DCUN1D2: variants seen among roughly 807,000 people sequenced by gnomAD.
The protein encoded by DCUN1D2 is DCN1-like protein 2.
In DCUN1D2, 29 loss-of-function variants were observed where a neutral mutation model predicts 30.9. The observed-to-expected ratio is 0.94, with a 90% CI of 0.70 to 1.28. The LOEUF is 1.28. DCUN1D2 is among the 50% of genes most tolerant of loss of function. The probability of loss-of-function intolerance (pLI) is 0.00; values close to 1 mark genes in which losing one functional copy is unlikely to be tolerated. For synonymous variants in DCUN1D2, 121 were observed against 115.3 expected, an observed-to-expected ratio of 1.05 and a Z score of -0.32; for missense variants, 325 against 316.9, an observed-to-expected ratio of 1.03 and a Z score of -0.19.
At chr13:113,475,497 T>G (rs912359478) in intron 3 of DCUN1D2, 1 of 152,230 alleles carries the variant, frequency 6.6e-6, no homozygotes, top group Non-Finnish European at 1.5e-5. Context: ...CACAGTGAAA[T>G]TTCCTAACGA....
chr13:113,457,945 A>T lies in DCUN1D2; in HGVS notation c.*84T>A. 1 of 1,259,932 alleles carries T rather than the reference A, an allele frequency of 7.9e-7. No homozygotes were observed. The highest frequency in any genetic ancestry group is 2.3e-5 in the East Asian group (1 of 43,022). The allele number at this position is 1,259,932 out of a possible 1,614,324, so 78.0% of individuals were successfully genotyped here. A position where few individuals can be genotyped will look rare whatever the true frequency, so the allele number is the denominator to read the frequency against. ...CTGGTCAAGAATGACTTCTGGAATC[A>T]GCGACAATGCACCCAGGAACTGACT... On this transcript the variant is annotated 3_prime_UTR_variant, in exon 7 of 7. Coordinates refer to ENST00000478244, the MANE Select transcript of DCUN1D2 (RefSeq NM_001014283.2).
intron 1 of DCUN1D2, among the ~76,000 whole-genome samples, chr13:113,486,142 A>C (rs2044798607): frequency 6.6e-6 from 1 of 152,182 alleles, no homozygotes; most frequent in Admixed American, 6.5e-5. Context: ...AATGTGCTAC[A>C]TATATACCAT....
In DCUN1D2 at chr13:113,458,007, T is replaced by G; in HGVS notation, c.*22A>C. 2.5e-6 allele frequency: 4 copies of G among 1,603,958 alleles called. No individual in the cohort carries two copies. The highest frequency in any genetic ancestry group is 3.4e-6 in the Non-Finnish European group (4 of 1,170,736). ...GCAGGATACAAATCATTTCATAATC[T>G]TACTCCTGCTTAACTTGCTGCCTAG... On this transcript the variant is annotated 3_prime_UTR_variant, in exon 7 of 7. Coordinates refer to ENST00000478244, the MANE Select transcript of DCUN1D2 (RefSeq NM_001014283.2).
At position 113,490,674 on chromosome 13, in the gene DCUN1D2, C is replaced by T. The variant is rs777255329; in HGVS notation, c.-5G>A. The T allele has an allele frequency of 4.8e-6, 6 of 1,244,786 alleles. No homozygotes were observed. The highest frequency in any genetic ancestry group is 6.0e-6 in the Non-Finnish European group (6 of 992,946). 77.1% of individuals were successfully genotyped at this position (1,244,786 alleles called of 1,614,324 possible). On this transcript the variant is annotated 5_prime_UTR_variant, in exon 1 of 7. Coordinates refer to ENST00000478244, the MANE Select transcript of DCUN1D2 (RefSeq NM_001014283.2). The surrounding 1 kb of genome is among the most constrained non-coding windows in gnomAD (Gnocchi z 5.2). ...CGACGCCGGGCCACCTACCATCTCC[C>T]CCGCGCCGCCCGCTTCTGGCCGGCC...
chr13:113,483,498 AACAG>A (rs2044745222), intron 2 of DCUN1D2, among the ~76,000 whole-genome samples: 1 of 152,200 alleles, frequency 6.6e-6, no homozygotes, highest in African/African-American at 2.4e-5. Context: ...ATACTGTATT[AACAG>A]ACACAGTCAC....
chr13:113,491,078 CCCTCCCGGACTCCCGG>C (rs1555333334), upstream of DCUN1D2: 3 of 152,336 alleles, frequency 2.0e-5, no homozygotes, highest in Admixed American at 1.3e-4. Flanking sequence ...GGCGGCCGCT[CCCTCCCGGACTCCCGG>C]CCTCCCGGCC....
chr13:113,456,323 C>G lies in DCUN1D2; in HGVS notation c.*1706G>C. On this transcript the variant is annotated 3_prime_UTR_variant, in exon 7 of 7. Transcript: ENST00000478244. Reference sequence around the variant, plus strand: ...CTTCCAGTCCTGTCCCTGCTGCCCTCTGTGACCATCTCTGCTAAGAAACAT... The same window carrying G: ...CTTCCAGTCCTGTCCCTGCTGCCCTGTGTGACCATCTCTGCTAAGAAACAT... The G allele has an allele frequency of 2.5e-6, 1 of 398,758 alleles. No homozygotes were observed. The highest frequency in any genetic ancestry group is 4.4e-6 in the Non-Finnish European group (1 of 226,154). The allele number at this position is 398,758 out of a possible 1,614,324, so 24.7% of individuals were successfully genotyped here.
At chr13:113,483,015 TG>T (rs1329855942) in intron 2 of DCUN1D2, among the ~76,000 whole-genome samples, 1 of 152,216 alleles carries the variant, frequency 6.6e-6, no homozygotes, top group African/African-American at 2.4e-5. Context: ...ATTGTATATT[TG>T]GGCTAACACT....
chr13:113,482,643 T>C (rs1276870826), intron 2 of DCUN1D2, among the ~76,000 whole-genome samples: 2 of 151,890 alleles, frequency 1.3e-5, no homozygotes, highest in African/African-American at 4.8e-5. Flanking sequence ...AAAACGAAAG[T>C]AATAAATAAA....
At chr13:113,471,080 GCTCCACGCAA>G (rs2044503345) in intron 4 of DCUN1D2, among the ~76,000 whole-genome samples, 2 of 41,206 alleles carry the variant, frequency 4.9e-5, no homozygotes, top group African/African-American at 1.0e-4. Flanking sequence ...AGGGGACCCA[GCTCCACGCAA>G]GACCCAACTC....
At chr13:113,464,992 T>G (rs1375138597) in intron 4 of DCUN1D2, among the ~76,000 whole-genome samples, 4 of 152,236 alleles carry the variant, frequency 2.6e-5, no homozygotes, top group Admixed American at 6.5e-5. Context: ...AACAAGGCAT[T>G]ATAAGATAAA....
Position 113,459,378 on chromosome 13 carries a change from T to C in DCUN1D2, c.634A>G (p.Thr212Ala). 1.3e-6 allele frequency: 2 copies of C among 1,596,486 alleles called. No homozygotes were observed. The highest frequency in any genetic ancestry group is 2.2e-5 in the East Asian group (1 of 44,754). ...CCAAAGTCCAGCAGGAGGTTCCAGG[T>C]GTCCCTTGGAATTGATCTTTTGTGA... ...EHHKRSIPRD[T>A]WNLLLDFGNM... is the part of the protein sequence containing the mutation. Residue 212 changes from threonine (T) to alanine (A), a missense_variant, in exon 6 of 7, where the codon ACC (threonine) becomes GCC (alanine). By Grantham distance (58) the Thr-to-Ala change is moderately conservative. Coordinates refer to ENST00000478244, the MANE Select transcript of DCUN1D2 (RefSeq NM_001014283.2).
At chr13:113,490,741 C>T, upstream of DCUN1D2, 2 of 1,161,842 alleles carry the variant, frequency 1.7e-6, no homozygotes, top group East Asian at 4.1e-5. This position sits in a 1 kb window ranked among gnomAD's most constrained non-coding sequence, Gnocchi z 5.2. Context: ...CGCCCTCGTC[C>T]TCGGACGGCC....
In DCUN1D2 at chr13:113,456,789, A is replaced by G. The variant is rs971407642; in HGVS notation, c.*1240T>C. On this transcript the variant is annotated 3_prime_UTR_variant, in exon 7 of 7. Coordinates refer to ENST00000478244, the MANE Select transcript of DCUN1D2 (RefSeq NM_001014283.2). ...ACAACGATGTACATTTTAGCTTCCA[A>G]ATGTGCACAGGGGCACAAAGGTCTG... The G allele has an allele frequency of 6.2e-6, 1 of 160,232 alleles. No homozygotes were observed. Among genetic ancestry groups the G allele is most frequent in the Non-Finnish European group, 1.4e-5 (1 of 73,822 alleles). 9.9% of individuals were successfully genotyped at this position (160,232 alleles called of 1,614,324 possible). A position where few individuals can be genotyped will look rare whatever the true frequency, so the allele number is the denominator to read the frequency against.
chr13:113,480,400 A>G, intron 3 of DCUN1D2, 175 bp downstream of exon 3: 1 of 482,194 alleles, frequency 2.1e-6, no homozygotes, highest in Non-Finnish European at 3.4e-6. Flanking sequence ...TGTTAAATTG[A>G]AAATTAAAAG....
chr13:113,490,849 C>A, upstream of DCUN1D2: 1 of 389,630 alleles, frequency 2.6e-6, no homozygotes, highest in Non-Finnish European at 3.9e-6. The surrounding 1 kb of genome is among the most constrained non-coding windows in gnomAD (Gnocchi z 5.2). Flanking sequence ...AGCTCGCGCC[C>A]CACAGCCCCT....
chr13:113,469,129 G>C (rs1038561435), intron 4 of DCUN1D2, among the ~76,000 whole-genome samples: 6 of 143,314 alleles, frequency 4.2e-5, no homozygotes, highest in South Asian at 2.2e-4. Context: ...CGACATTTCT[G>C]TCTACTACAC....
Position 113,456,225 on chromosome 13 carries a change from G to A in DCUN1D2, c.*1804C>T, listed in dbSNP as rs527964905. The A allele has an allele frequency of 1.0e-5, 4 of 398,702 alleles. No individual in the cohort carries two copies. Among genetic ancestry groups the A allele is most frequent in the African/African-American group, 4.1e-5 (2 of 48,768 alleles). 24.7% of individuals were successfully genotyped at this position (398,702 alleles called of 1,614,324 possible). On this transcript the variant is annotated 3_prime_UTR_variant, in exon 7 of 7. Transcript: ENST00000478244. ...GTTCTGGAAGCAGAGCCTGGGGAAG[G>A]TCTGTCACTTGCCCATCACTGGACC...
At chr13:113,465,927 C>T (rs1446297807) in intron 4 of DCUN1D2, among the ~76,000 whole-genome samples, 1 of 151,934 alleles carries the variant, frequency 6.6e-6, no homozygotes, top group African/African-American at 2.4e-5. Context: ...GCTCTGTCAC[C>T]CAGGTTGGAG....
Sources: allele counts gnomAD v4.1 joint callset (sites outside exome capture counted in the v4.1 genomes callset), GRCh38; gene constraint gnomAD v4.1.1; non-coding constraint Gnocchi (gnomAD v3.1); transcripts MANE v1.5; gene names NCBI Gene and HGNC (gene_info 2026-07-23, HGNC 2026-07-21).